Variants in GIT2 observed in about 807,000 individuals in gnomAD.
The protein encoded by GIT2 is GIT ArfGAP 2.
In GIT2, 32 loss-of-function variants were observed where a neutral mutation model predicts 100.3. The ratio of observed to expected loss-of-function variants is 0.32; its 90% CI spans 0.24 to 0.43. The LOEUF (loss-of-function observed/expected upper bound fraction) is 0.43. Ranked by LOEUF, GIT2 falls within the 20% of genes least tolerant of loss-of-function variation. The pLI is 1.00. For synonymous variants in GIT2, 353 were observed against 364.1 expected, an observed-to-expected ratio of 0.97 and a Z score of 0.35; for missense variants, 737 against 975.1, an observed-to-expected ratio of 0.76 and a Z score of 3.25.
At chr12:109,957,703 TCA>T (rs769173317) in intron 12 of GIT2, among the ~76,000 whole-genome samples, 2 of 151,934 alleles carry the variant, frequency 1.3e-5, no homozygotes, top group Non-Finnish European at 2.9e-5. Flanking sequence ...AGACAGGATT[TCA>T]CCGTGTTAGC....
chr12:109,994,673 G>C (rs1049246015), intron 1 of GIT2, among the ~76,000 whole-genome samples: 3 of 152,174 alleles, frequency 2.0e-5, no homozygotes, highest in African/African-American at 4.8e-5. Context: ...AGTATATTTA[G>C]GATGGCAATG....
Position 109,991,506 on chromosome 12 carries a change from C to G in GIT2, c.186+121G>C. On this transcript the variant is annotated intron_variant, in intron 2 of 19. Coordinates refer to ENST00000355312, the MANE Select transcript of GIT2 (RefSeq NM_057169.5). ...AATAGCATTGATGGGCATGCCATCTCTATTCAATTATGAAACAGTTTTGTC... is the reference window on the plus strand; with the variant it reads ...AATAGCATTGATGGGCATGCCATCTGTATTCAATTATGAAACAGTTTTGTC... The G allele has an allele frequency of 4.1e-6, 3 of 733,094 alleles. 1 individual carries two copies. Among genetic ancestry groups the G allele is most frequent in the South Asian group, 3.5e-5 (2 of 57,586 alleles). The allele number at this position is 733,094 out of a possible 1,614,324, so 45.4% of individuals were successfully genotyped here.
intron 3 of GIT2, 89 bp downstream of exon 3, chr12:109,989,601 T>C (rs149577605): frequency 6.8e-6 from 5 of 738,564 alleles, no homozygotes; most frequent in South Asian, 1.5e-5. Flanking sequence ...CTGCTGCCCT[T>C]GCGGAGACTG....
chr12:109,996,272 A>AGGCGGCGGT lies in GIT2; in HGVS notation c.-57_-49dup. The AGGCGGCGGT allele has an allele frequency of 7.3e-7, 1 of 1,371,796 alleles. No homozygotes were observed. The allele number at this position is 1,371,796 out of a possible 1,614,324, so 85.0% of individuals were successfully genotyped here. A position where few individuals can be genotyped will look rare whatever the true frequency, so the allele number is the denominator to read the frequency against. ...GGAACTAGAGGCCGGGGGACAGCAA[A>AGGCGGCGGT]GGCGGCGGTGGCGGCGGCGCTTCCG... On this transcript the variant is annotated 5_prime_UTR_variant, in exon 1 of 20. Transcript: ENST00000355312.
chr12:109,972,256 C>G (rs1796929529), intron 7 of GIT2, among the ~76,000 whole-genome samples: 1 of 152,104 alleles, frequency 6.6e-6, no homozygotes, highest in African/African-American at 2.4e-5. Context: ...AGTGGACACC[C>G]TAGTCTTTCT....
chr12:109,981,098 T>A, intron 6 of GIT2, 52 bp from the exon 7 acceptor site: 1 of 1,169,550 alleles, frequency 8.6e-7, no homozygotes, highest in Non-Finnish European at 1.3e-6. Flanking sequence ...TCACTGACTT[T>A]AAAATGGAGT....
rs764444051 is a variant in GIT2 at position 109,988,989 on chromosome 12, TATCGTC to T, written c.373_378del (p.Asp125_Asp126del). ...TTGCTAAGATCTTTGGCAGTCACAC[TATCGTC>T]ATCCCGGCAGGGCAAGCGATGGACG... On this transcript the variant is annotated inframe_deletion, in exon 4 of 20. Coordinates refer to ENST00000355312, the MANE Select transcript of GIT2 (RefSeq NM_057169.5). 1.2e-6 allele frequency: 2 copies of T among 1,608,344 alleles called. No homozygotes were observed. Among genetic ancestry groups the T allele is most frequent in the Non-Finnish European group, 1.7e-6 (2 of 1,175,020 alleles).
chr12:109,953,206 G>A lies in GIT2; in HGVS notation c.1128C>T (p.Ile376=). The part of the protein sequence containing the change: ...KDNVELILKT[I]NNQHSVESQD... Reference sequence around the variant, plus strand: ...GACTCTCAACGCTGTGCTGGTTATTGATGGTTTTCAGTATGAGCTCCACAT... The same window carrying A: ...GACTCTCAACGCTGTGCTGGTTATTAATGGTTTTCAGTATGAGCTCCACAT... The change falls in exon 13 of 20, where the codon ATC becomes ATT. Residue 376 remains isoleucine, a synonymous_variant. Coordinates refer to ENST00000355312, the MANE Select transcript of GIT2 (RefSeq NM_057169.5). The A allele has an allele frequency of 1.2e-6, 2 of 1,613,988 alleles. No homozygotes were observed. The highest frequency in any genetic ancestry group is 1.7e-6 in the Non-Finnish European group (2 of 1,179,836).
At position 109,951,254 on chromosome 12, in the gene GIT2, GT is replaced by G; in HGVS notation, c.1304del (p.Asn435ThrfsTer3). On this transcript the variant is annotated frameshift_variant, in exon 14 of 20. Transcript: ENST00000355312. LOFTEE classifies it high-confidence loss of function. Reference protein sequence around the residue: ...VTVQEFMEVKNALVASEAKIQ... With the variant: ...VTVQEFMEVKXALVASEAKIQ... Reference sequence around the variant, plus strand: ...TCTTGGCCTCAGAAGCCACTAGAGCGTTTTTGACCTCCATAAATTCCTGTAC... The same window carrying G: ...TCTTGGCCTCAGAAGCCACTAGAGCGTTTTGACCTCCATAAATTCCTGTAC... 1 of 1,610,308 alleles carries G rather than the reference GT, an allele frequency of 6.2e-7. No homozygotes were observed. Among genetic ancestry groups the G allele is most frequent in the Non-Finnish European group, 8.5e-7 (1 of 1,176,536 alleles).
chr12:109,984,737 G>A (rs528976526), intron 4 of GIT2, among the ~76,000 whole-genome samples: 3 of 152,196 alleles, frequency 2.0e-5, no homozygotes, highest in African/African-American at 7.2e-5. Flanking sequence ...ATGAGCTACC[G>A]TGCCTGGCCC....
At chr12:109,992,689 T>C (rs1365107929) in intron 1 of GIT2, among the ~76,000 whole-genome samples, 1 of 152,140 alleles carries the variant, frequency 6.6e-6, no homozygotes, top group Non-Finnish European at 1.5e-5. Flanking sequence ...TTGTTTGTTT[T>C]GAGACAGAGT....
chr12:109,957,690 T>C (rs1218325082), intron 12 of GIT2, among the ~76,000 whole-genome samples: 1 of 151,864 alleles, frequency 6.6e-6, no homozygotes, highest in Non-Finnish European at 1.5e-5. Flanking sequence ...ATATTTTTAG[T>C]AGAGACAGGA....
At chr12:109,935,205 A>T (rs1872650399) in intron 18 of GIT2, among the ~76,000 whole-genome samples, 1 of 152,200 alleles carries the variant, frequency 6.6e-6, no homozygotes, top group Non-Finnish European at 1.5e-5. Flanking sequence ...AGAATCACAA[A>T]CCATTTAATA....
upstream of GIT2, chr12:109,996,392 C>G: frequency 1.9e-6 from 1 of 540,370 alleles, no homozygotes; most frequent in Non-Finnish European, 3.2e-6. Context: ...GGGGAGGTGC[C>G]CTTCGGCGAG....
At chr12:109,973,871 A>G (rs910182191) in intron 7 of GIT2, among the ~76,000 whole-genome samples, 1 of 151,774 alleles carries the variant, frequency 6.6e-6, no homozygotes, top group Non-Finnish European at 1.5e-5. Context: ...GTAAAACTCC[A>G]TCTCTACTAA....
At chr12:109,999,788 A>G, upstream of GIT2, 1 of 1,523,016 alleles carries the variant, frequency 6.6e-7, no homozygotes, top group Non-Finnish European at 8.8e-7. The surrounding 1 kb of genome is among the most constrained non-coding windows in gnomAD (Gnocchi z 4.3). Context: ...GGGCCAGGTG[A>G]GGGGCGGGGC....
chr12:109,984,440 A>T (rs1343577164), intron 4 of GIT2, among the ~76,000 whole-genome samples: 1 of 151,956 alleles, frequency 6.6e-6, no homozygotes. Flanking sequence ...AAAAAATTTT[A>T]AAAGGTGGCA....
chr12:109,989,851 T>C, intron 2 of GIT2, 49 bp from the exon 3 acceptor site: 1 of 937,890 alleles, frequency 1.1e-6, no homozygotes, highest in Non-Finnish European at 1.8e-6. Context: ...TTCACAAATA[T>C]TCAATGGGGA....
intron 7 of GIT2, among the ~76,000 whole-genome samples, chr12:109,971,164 T>C (rs1883773724): frequency 6.6e-6 from 1 of 152,226 alleles, no homozygotes; most frequent in Non-Finnish European, 1.5e-5. Context: ...ATTTATTAAC[T>C]TGTGGAGAAT....
Sources: allele counts gnomAD v4.1 joint callset (sites outside exome capture counted in the v4.1 genomes callset), GRCh38; gene constraint gnomAD v4.1.1; non-coding constraint Gnocchi (gnomAD v3.1); transcripts MANE v1.5; gene names NCBI Gene and HGNC (gene_info 2026-07-23, HGNC 2026-07-21).